Variants in TMEM131L observed in about 807,000 individuals in gnomAD.
TMEM131L encodes the protein transmembrane protein 131-like.
TMEM131L carries 54 observed loss-of-function variants against 192.2 expected under a neutral mutation model. That is an observed-to-expected ratio of 0.28 (90% CI 0.23 to 0.35). The LOEUF is 0.35. Ranked by LOEUF, TMEM131L falls within the 10% of genes least tolerant of loss-of-function variation. The pLI is 1.00. For missense variants in TMEM131L, 1,888 were observed against 1,972.9 expected (o/e 0.96, Z 0.82); for synonymous variants, 701 against 704.9 (o/e 0.99, Z 0.09).
At chr4:153,623,890 G>T (rs1408036652) in intron 29 of TMEM131L, among the ~76,000 whole-genome samples, 1 of 150,344 alleles carries the variant, frequency 6.7e-6, no homozygotes, top group African/African-American at 2.4e-5. Flanking sequence ...TCTTAATTTT[G>T]CCATATTTGC....
intron 31 of TMEM131L, among the ~76,000 whole-genome samples, chr4:153,631,637 G>A (rs1734215840): frequency 6.6e-6 from 1 of 152,204 alleles, no homozygotes; most frequent in African/African-American, 2.4e-5. Flanking sequence ...GATAGTCCAG[G>A]AGAAAGGTTG....
chr4:153,543,889 A>G (rs1341708614), intron 3 of TMEM131L, among the ~76,000 whole-genome samples: 1 of 150,416 alleles, frequency 6.6e-6, no homozygotes, highest in Non-Finnish European at 1.5e-5. Context: ...ACAGCCCAGT[A>G]AGTGTCTCGT....
intron 25 of TMEM131L, 87 bp from the exon 26 acceptor site, chr4:153,612,165 C>T (rs1732665470): frequency 2.1e-6 from 2 of 944,834 alleles, no homozygotes; most frequent in Non-Finnish European, 3.1e-6. Context: ...CTCATGAAGT[C>T]AAATTAGATG....
At chr4:153,612,163 G>A in intron 25 of TMEM131L, 89 bp from the exon 26 acceptor site, 1 of 937,136 alleles carries the variant, frequency 1.1e-6, no homozygotes, top group South Asian at 2.1e-5. Flanking sequence ...CTCTCATGAA[G>A]TCAAATTAGA....
intron 32 of TMEM131L, 31 bp downstream of exon 32, chr4:153,632,869 G>A: frequency 6.2e-7 from 1 of 1,613,542 alleles, no homozygotes; most frequent in Non-Finnish European, 8.5e-7. Flanking sequence ...TTGGTGCCTT[G>A]CTTAGTCTAA....
At chr4:153,467,568 T>G (rs982825083) in intron 2 of TMEM131L, among the ~76,000 whole-genome samples, 1 of 152,358 alleles carries the variant, frequency 6.6e-6, no homozygotes, top group East Asian at 1.9e-4. Context: ...GTGGGTGTCC[T>G]GGGTGCACAC....
Position 153,467,249 on chromosome 4 carries a change from G to T in TMEM131L, c.163G>T (p.Ala55Ser), listed in dbSNP as rs1369579642. 1 of 1,551,716 alleles carries T rather than the reference G, an allele frequency of 6.4e-7. No homozygotes were observed. Among genetic ancestry groups the T allele is most frequent in the African/African-American group, 1.4e-5 (1 of 73,170 alleles). ...GCCGAACGTGGTGGAGCTGTGGCAG[G>T]CAGAAGAAGGGGAACTCCTGCTGCC... ...PLPNVVELWQ[A>S]EEGELLLPTQ... Residue 55 changes from alanine to serine, a missense_variant, in exon 2 of 35, where the codon GCA (alanine) becomes TCA (serine). Physicochemically the swap from Ala to Ser is moderately conservative, Grantham distance 99 (BLOSUM62 1). Transcript: ENST00000409959.
At chr4:153,536,763 G>A (rs1401997588) in intron 3 of TMEM131L, among the ~76,000 whole-genome samples, 1 of 148,708 alleles carries the variant, frequency 6.7e-6, no homozygotes, top group Non-Finnish European at 1.5e-5. Context: ...ATATAAAGGG[G>A]AGTTTATTAC....
At chr4:153,566,199 A>G (rs911371771) in intron 7 of TMEM131L, among the ~76,000 whole-genome samples, 2 of 151,432 alleles carry the variant, frequency 1.3e-5, no homozygotes, top group African/African-American at 4.9e-5. Context: ...GCAGTGGCGC[A>G]ATCTCGGCTC....
At chr4:153,627,213 C>T (rs1733907201) in intron 30 of TMEM131L, among the ~76,000 whole-genome samples, 1 of 152,148 alleles carries the variant, frequency 6.6e-6, no homozygotes, top group African/African-American at 2.4e-5. Flanking sequence ...CCCAGTCAGC[C>T]TCCTTCCCTT....
chr4:153,563,456 CTTTTTTT>C (rs1177255196), intron 7 of TMEM131L, among the ~76,000 whole-genome samples: 2,009 of 88,090 alleles, frequency 0.023, 35 homozygotes, highest in African/African-American at 0.084. Flanking sequence ...GATATGTACC[CTTTTTTT>C]TTTTTTTTTT....
At chr4:153,503,128 A>G (rs1733729151) in intron 3 of TMEM131L, among the ~76,000 whole-genome samples, 1 of 152,246 alleles carries the variant, frequency 6.6e-6, no homozygotes, top group Admixed American at 6.5e-5. Flanking sequence ...AGTTTCTCAC[A>G]CTTAACTTGG....
At chr4:153,604,571 A>G in intron 25 of TMEM131L, 141 bp downstream of exon 25, 1 of 875,806 alleles carries the variant, frequency 1.1e-6, no homozygotes, top group East Asian at 2.7e-5. Flanking sequence ...AAAAGACAAA[A>G]TGAAAAGTTC....
At chr4:153,560,649 A>G (rs1005998392) in intron 7 of TMEM131L, among the ~76,000 whole-genome samples, 27 of 152,258 alleles carry the variant, frequency 1.8e-4, no homozygotes, top group African/African-American at 6.0e-4. Flanking sequence ...TCTATTTTGA[A>G]CATCTTATAT....
At chr4:153,622,179 C>T (rs1733472759) in intron 28 of TMEM131L, among the ~76,000 whole-genome samples, 1 of 152,138 alleles carries the variant, frequency 6.6e-6, no homozygotes, top group Non-Finnish European at 1.5e-5. Flanking sequence ...TAGTGCTACC[C>T]CCGTGCCTGA....
intron 32 of TMEM131L, 79 bp downstream of exon 32, chr4:153,632,917 T>G (rs1734312952): frequency 6.5e-7 from 1 of 1,539,720 alleles, no homozygotes; most frequent in Non-Finnish European, 8.9e-7. Context: ...TTTCTTAGGG[T>G]TTCCTTACAA....
intron 7 of TMEM131L, among the ~76,000 whole-genome samples, chr4:153,572,306 AG>A (rs140436713): frequency 0.023 from 3,516 of 152,196 alleles, 152 homozygotes; most frequent in African/African-American, 0.081. Flanking sequence ...TTGGTTACCC[AG>A]CAAGGTTTGG....
At chr4:153,472,546 A>C (rs1731231527) in intron 2 of TMEM131L, among the ~76,000 whole-genome samples, 1 of 152,208 alleles carries the variant, frequency 6.6e-6, no homozygotes, top group Non-Finnish European at 1.5e-5. Context: ...ACAAAAAAAA[A>C]CAAAAAACAC....
intron 30 of TMEM131L, among the ~76,000 whole-genome samples, chr4:153,626,989 C>T (rs528053183): frequency 1.3e-5 from 2 of 152,154 alleles, no homozygotes; most frequent in South Asian, 2.1e-4. Context: ...AGACGAGGAG[C>T]GTGGGTAAGA....
Sources: gnomAD v4.1 joint callset for allele counts (sites outside exome capture counted in the v4.1 genomes callset) on GRCh38, gnomAD v4.1.1 for gene constraint, MANE v1.5 for transcripts, NCBI Gene and HGNC (gene_info 2026-07-23, HGNC 2026-07-21) for gene names.